Variants in MAMDC2 observed in about 807,000 individuals in gnomAD.
The protein encoded by MAMDC2 is MAM domain-containing protein 2.
MAMDC2 carries 57 observed loss-of-function variants against 89.8 expected under a neutral mutation model. The ratio of observed to expected loss-of-function variants is 0.63; its 90% confidence interval spans 0.51 to 0.79. The LOEUF is 0.79. MAMDC2 is among the 30% of genes least tolerant of loss of function. MAMDC2 has a pLI of 0.00. For missense variants in MAMDC2, 800 were observed against 820.6 expected (o/e 0.97, Z 0.31); for synonymous variants, 313 against 293.4 (o/e 1.07, Z -0.68).
chr9:70,168,985 T>C (rs1440681085), intron 10 of MAMDC2, among the ~76,000 whole-genome samples, 190 bp downstream of exon 10: 1 of 152,240 alleles, frequency 6.6e-6, no homozygotes, highest in Non-Finnish European at 1.5e-5. Context: ...TGTGTCTTTG[T>C]ACATGTGACT....
At chr9:70,179,271 G>T (rs1313268359) in intron 11 of MAMDC2, among the ~76,000 whole-genome samples, 2 of 152,052 alleles carry the variant, frequency 1.3e-5, no homozygotes, top group Non-Finnish European at 2.9e-5. Flanking sequence ...CCAGCACTTT[G>T]GGAGGCTGAG....
At chr9:70,118,476 G>T (rs1436928527) in intron 5 of MAMDC2, among the ~76,000 whole-genome samples, 1 of 152,052 alleles carries the variant, frequency 6.6e-6, no homozygotes, top group Non-Finnish European at 1.5e-5. Context: ...GATTTGATCC[G>T]TATCATTCTT....
At chr9:70,169,713 C>T (rs2032275075) in intron 10 of MAMDC2, 1 of 151,992 alleles carries the variant, frequency 6.6e-6, no homozygotes, top group African/African-American at 2.4e-5. Context: ...CAAGTTTAGT[C>T]AAAGGAAAAG....
At chr9:70,048,285 G>T (rs747591277) in intron 2 of MAMDC2, among the ~76,000 whole-genome samples, 8 of 151,980 alleles carry the variant, frequency 5.3e-5, no homozygotes, top group Middle Eastern at 6.8e-3. Flanking sequence ...TTTTTGTTTT[G>T]TCTCTTTCAG....
Position 70,140,218 on chromosome 9 carries a change from A to C in MAMDC2, c.1068A>C (p.Glu356Asp), listed in dbSNP as rs2031163766. The C allele has an allele frequency of 1.3e-6, 2 of 1,599,378 alleles. No homozygotes were observed. Among genetic ancestry groups the C allele is most frequent in the Non-Finnish European group, 1.7e-6 (2 of 1,175,468 alleles). ...QDLCNFYQDK[E>D]GPGWTRVKVK... is the part of the protein sequence containing the mutation. ...TCTGCAACTTTTACCAAGATAAAGAAGGTCCAGGTTGGACCCGAGTGAAAG... is the reference window on the plus strand; with the variant it reads ...TCTGCAACTTTTACCAAGATAAAGACGGTCCAGGTTGGACCCGAGTGAAAG... Residue 356 changes from glutamate to aspartate, a missense_variant, in exon 8 of 14, where the codon GAA (glutamate) becomes GAC (aspartate). Glu to Asp is a conservative substitution (Grantham distance 45, BLOSUM62 2). Transcript: ENST00000377182.
At chr9:70,201,710 G>GATTA (rs1279574529) in intron 11 of MAMDC2, among the ~76,000 whole-genome samples, 1 of 138,386 alleles carries the variant, frequency 7.2e-6, no homozygotes, top group East Asian at 2.1e-4. Flanking sequence ...GTAAACTATT[G>GATTA]ATTATTGCCA....
chr9:70,184,124 T>C (rs1008662363), intron 11 of MAMDC2, among the ~76,000 whole-genome samples: 2 of 152,340 alleles, frequency 1.3e-5, no homozygotes, highest in African/African-American at 4.8e-5. Context: ...GGATTTTAAT[T>C]CTCCTTCACT....
chr9:70,055,010 G>A (rs1826996616), intron 2 of MAMDC2, among the ~76,000 whole-genome samples: 1 of 152,038 alleles, frequency 6.6e-6, no homozygotes, highest in African/African-American at 2.4e-5. Flanking sequence ...AAGGCCAGGA[G>A]TTCAAGACCA....
chr9:70,074,081 G>A (rs2118099111), intron 2 of MAMDC2, among the ~76,000 whole-genome samples: 1 of 152,278 alleles, frequency 6.6e-6, no homozygotes, highest in African/African-American at 2.4e-5. Context: ...CCCAGGGTAA[G>A]AACCCTGCCC....
intron 11 of MAMDC2, 132 bp downstream of exon 11, chr9:70,170,763 C>T: frequency 1.3e-6 from 1 of 794,774 alleles, no homozygotes; most frequent in South Asian, 2.2e-5. Flanking sequence ...TGATTCTACA[C>T]ACACAGGATG....
chr9:70,085,765 G>C (rs1033539007), intron 2 of MAMDC2: 4 of 152,058 alleles, frequency 2.6e-5, no homozygotes, highest in Non-Finnish European at 5.9e-5. Context: ...GTACATGTAA[G>C]CAAAATGATA....
Position 70,109,875 on chromosome 9 carries a change from C to A in MAMDC2, c.505+71C>A, listed in dbSNP as rs971472159. 1.0e-5 allele frequency: 13 copies of A among 1,260,810 alleles called. No homozygotes were observed. The African/African-American group carries it at 1.0e-4, about 10-fold the overall frequency. The allele number at this position is 1,260,810 out of a possible 1,614,324, so 78.1% of individuals were successfully genotyped here. On this transcript the variant is annotated intron_variant, in intron 4 of 13. Coordinates refer to ENST00000377182, the MANE Select transcript of MAMDC2 (RefSeq NM_153267.5). ...TAAAAGTTACTGTTGCCAGAGGGAA[C>A]TGAATCAATCCTAAAGACCAACTAT...
intron 11 of MAMDC2, among the ~76,000 whole-genome samples, chr9:70,192,312 T>C (rs968656333): frequency 6.6e-6 from 1 of 152,114 alleles, no homozygotes; most frequent in Non-Finnish European, 1.5e-5. Flanking sequence ...ATGTCTTTGG[T>C]ATTTTATTTT....
chr9:70,209,620 G>A (rs1052615498), intron 11 of MAMDC2, among the ~76,000 whole-genome samples: 5 of 151,766 alleles, frequency 3.3e-5, no homozygotes, highest in South Asian at 2.1e-4. Context: ...AGGGTCTTTC[G>A]TATCTCTATC....
intron 2 of MAMDC2, among the ~76,000 whole-genome samples, chr9:70,107,020 A>C (rs1462791294): frequency 6.6e-6 from 1 of 152,150 alleles, no homozygotes; most frequent in Non-Finnish European, 1.5e-5. Flanking sequence ...GTAAGAGTTT[A>C]GGGTTAGGGA....
intron 2 of MAMDC2, among the ~76,000 whole-genome samples, chr9:70,072,615 C>T (rs73650523): frequency 0.015 from 2,341 of 152,004 alleles, 65 homozygotes; most frequent in African/African-American, 0.053. Context: ...AATGGTGGCA[C>T]GGTGAAAAAA....
intron 2 of MAMDC2, among the ~76,000 whole-genome samples, chr9:70,098,989 T>C (rs565610878): frequency 8.5e-5 from 13 of 152,342 alleles, no homozygotes; most frequent in African/African-American, 2.9e-4. Context: ...TTAAAAGTTA[T>C]GTTCATCATT....
At chr9:70,221,781 A>G (rs1181836912) in intron 12 of MAMDC2, among the ~76,000 whole-genome samples, 1 of 152,058 alleles carries the variant, frequency 6.6e-6, no homozygotes, top group East Asian at 1.9e-4. Flanking sequence ...TGATTTATCA[A>G]TTAAAAATAA....
At chr9:70,066,064 C>A (rs1827255186) in intron 2 of MAMDC2, among the ~76,000 whole-genome samples, 1 of 152,152 alleles carries the variant, frequency 6.6e-6, no homozygotes, top group Non-Finnish European at 1.5e-5. Flanking sequence ...ATGACATTCA[C>A]AAACACATAA....
Sources: allele counts gnomAD v4.1 joint callset (sites outside exome capture counted in the v4.1 genomes callset), GRCh38; gene constraint gnomAD v4.1.1; transcripts MANE v1.5; gene names NCBI Gene and HGNC (gene_info 2026-07-23, HGNC 2026-07-21).